Variants in LIPA observed in about 807,000 individuals in gnomAD.
The protein encoded by LIPA is lysosomal acid lipase/cholesteryl ester hydrolase.
Under a neutral mutation model 40.6 loss-of-function variants are expected in LIPA, and 26 were observed. The ratio of observed to expected loss-of-function variants is 0.64; its 90% CI spans 0.47 to 0.89. LIPA has a LOEUF of 0.89. Ranked by LOEUF, LIPA falls within the 40% of genes least tolerant of loss-of-function variation. The pLI, the probability that LIPA is intolerant of heterozygous loss-of-function variation, is 0.00. For missense variants in LIPA, 455 were observed against 479.6 expected (o/e 0.95, Z 0.48); for synonymous variants, 188 against 168.4 (o/e 1.12, Z -0.90).
intron 1 of LIPA, chr10:89,302,101 C>A (rs770843745): frequency 6.2e-7 from 1 of 1,613,874 alleles, no homozygotes; most frequent in South Asian, 1.1e-5. Context: ...CCCTGCCGAA[C>A]AGCTGAGAAT....
At chr10:89,345,177 A>G (rs1167044473), upstream of LIPA, among the ~76,000 whole-genome samples, 1 of 151,968 alleles carries the variant, frequency 6.6e-6, no homozygotes, top group Non-Finnish European at 1.5e-5. Flanking sequence ...TAAAAAAAAA[A>G]AGAATGTATT....
rs151167903 is a variant in LIPA, at chr10:89,339,661, G to A, written c.-2+2950C>T. ...TCCTCTGAATGCATACTCCGATCTC[G>A]CTGAGTTCCTGGAGACGGAATGTTA... On this transcript the variant is annotated intron_variant, in intron 1 of 5. Coordinates refer to the LIPA transcript ENST00000282673. 1.2e-5 allele frequency: 19 copies of A among 1,614,044 alleles called. No homozygotes were observed. Among genetic ancestry groups the A allele is most frequent in the African/African-American group, 4.0e-5 (3 of 74,936 alleles).
chr10:89,351,591 A>G (rs1843958992), intron 2 of LIPA, among the ~76,000 whole-genome samples: 1 of 152,224 alleles, frequency 6.6e-6, no homozygotes, highest in Non-Finnish European at 1.5e-5. Context: ...AGGCAGCCAC[A>G]GGTTTCAGTT....
chr10:89,385,503 A>G (rs956438298), intron 2 of LIPA, among the ~76,000 whole-genome samples: 2 of 152,178 alleles, frequency 1.3e-5, no homozygotes, highest in Non-Finnish European at 2.9e-5. Flanking sequence ...AGCAGTTTTC[A>G]TCCTCAGTCT....
chr10:89,384,344 T>C, intron 2 of LIPA: 1 of 1,614,196 alleles, frequency 6.2e-7, no homozygotes, highest in Non-Finnish European at 8.5e-7. Context: ...ATGGCCTATG[T>C]TGACCTGGCT....
chr10:89,404,769 A>T (rs1449627963), intron 2 of LIPA: 1 of 152,268 alleles, frequency 6.6e-6, no homozygotes, highest in East Asian at 1.9e-4. Flanking sequence ...AGCCTTGGCA[A>T]TGGCAAAACC....
intron 1 of LIPA, among the ~76,000 whole-genome samples, chr10:89,335,775 A>T (rs1323215763): frequency 1.3e-5 from 2 of 152,154 alleles, no homozygotes; most frequent in Non-Finnish European, 2.9e-5. Context: ...TTCTCCTTTT[A>T]ACCTTCCTAA....
intron 1 of LIPA, among the ~76,000 whole-genome samples, chr10:89,280,871 A>G (rs996900685): frequency 6.6e-6 from 1 of 152,156 alleles, no homozygotes; most frequent in African/African-American, 2.4e-5. Flanking sequence ...CTGAATATTA[A>G]TTCTGTTTAC....
chr10:89,262,181 C>T (rs1175049419), intron 1 of LIPA, among the ~76,000 whole-genome samples: 2 of 152,008 alleles, frequency 1.3e-5, no homozygotes, highest in Non-Finnish European at 2.9e-5. Context: ...GGAAAGCATA[C>T]GATTGCTAGC....
chr10:89,306,450 T>C (rs1336747218), intron 1 of LIPA: 1 of 1,614,118 alleles, frequency 6.2e-7, no homozygotes, highest in Admixed American at 1.7e-5. Context: ...GAGAAGGCTC[T>C]GGAAAAGAAG....
intron 5 of LIPA, among the ~76,000 whole-genome samples, chr10:89,226,193 T>G (rs1439027038): frequency 6.6e-6 from 1 of 152,168 alleles, no homozygotes; most frequent in Admixed American, 6.5e-5. Flanking sequence ...ATTTTTTTCC[T>G]GGCAATATAA....
chr10:89,344,046 A>C (rs1843895387), upstream of LIPA, among the ~76,000 whole-genome samples: 1 of 152,058 alleles, frequency 6.6e-6, no homozygotes, highest in African/African-American at 2.4e-5. Flanking sequence ...AAATCACCTA[A>C]CCTCTGTGAC....
chr10:89,363,965 G>T (rs1294194537), intron 2 of LIPA, among the ~76,000 whole-genome samples: 1 of 152,198 alleles, frequency 6.6e-6, no homozygotes, highest in Non-Finnish European at 1.5e-5. Flanking sequence ...AGAAAGTGAA[G>T]CTGTGCTGTC....
At chr10:89,341,663 T>C (rs1843871708) in intron 1 of LIPA, among the ~76,000 whole-genome samples, 1 of 152,188 alleles carries the variant, frequency 6.6e-6, no homozygotes, top group Non-Finnish European at 1.5e-5. Context: ...AACTTGCTTG[T>C]AGGTTCATAA....
intron 1 of LIPA, 200 bp from the exon 2 acceptor site, chr10:89,247,849 TA>T (rs1843051209): frequency 4.8e-5 from 1 of 20,736 alleles, no homozygotes; most frequent in African/African-American, 7.4e-5. Flanking sequence ...ATTTTTATTT[TA>T]TTTATTTATT....
At chr10:89,413,396 T>C (rs1325104410) in intron 1 of LIPA, among the ~76,000 whole-genome samples, 1 of 152,062 alleles carries the variant, frequency 6.6e-6, no homozygotes, top group African/African-American at 2.4e-5. Flanking sequence ...AGGGGTGGGG[T>C]GCCAGAAGCT....
chr10:89,306,964 C>T, intron 1 of LIPA: 1 of 1,614,030 alleles, frequency 6.2e-7, no homozygotes, highest in Non-Finnish European at 8.5e-7. Context: ...TCTTCCGTGT[C>T]TGTTCCATTC....
At chr10:89,248,025 G>T (rs997442946) in intron 1 of LIPA, among the ~76,000 whole-genome samples, 4 of 151,654 alleles carry the variant, frequency 2.6e-5, no homozygotes, top group East Asian at 3.9e-4. Flanking sequence ...GCACCACCAC[G>T]CCTGGCTAAT....
At chr10:89,353,650 T>G (rs1843971936) in intron 2 of LIPA, among the ~76,000 whole-genome samples, 2 of 152,194 alleles carry the variant, frequency 1.3e-5, no homozygotes, top group African/African-American at 2.4e-5. Flanking sequence ...TTGAATCTCT[T>G]AAGTTACCCA....
Sources: allele counts gnomAD v4.1 joint callset (sites outside exome capture counted in the v4.1 genomes callset), GRCh38; gene constraint gnomAD v4.1.1; transcripts MANE v1.5; gene names NCBI Gene and HGNC (gene_info 2026-07-23, HGNC 2026-07-21).